SLC24A3: variants seen among roughly 807,000 people sequenced by gnomAD.
The protein encoded by SLC24A3 is sodium/potassium/calcium exchanger 3.
In SLC24A3, 28 loss-of-function variants were observed where a neutral mutation model predicts 75.8. The observed-to-expected ratio is 0.37, with a 90% CI of 0.27 to 0.51. The LOEUF is 0.51. Ranked by LOEUF, SLC24A3 falls within the 20% of genes least tolerant of loss-of-function variation. The probability of loss-of-function intolerance (pLI) is 0.94; values close to 1 mark genes in which losing one functional copy is unlikely to be tolerated. For synonymous variants in SLC24A3, 372 were observed against 334.1 expected (o/e 1.11, Z -1.24); for missense variants, 663 against 847.8 (o/e 0.78, Z 2.71).
intron 9 of SLC24A3, among the ~76,000 whole-genome samples, chr20:19,677,041 G>A (rs551579297): frequency 1.7e-4 from 26 of 152,312 alleles, no homozygotes; most frequent in Admixed American, 2.6e-4. Context: ...AAGCTGTCAA[G>A]CTAAGTTAAG....
intron 2 of SLC24A3, among the ~76,000 whole-genome samples, chr20:19,306,690 C>T (rs565883937): frequency 6.6e-6 from 1 of 151,826 alleles, no homozygotes; most frequent in African/African-American, 2.4e-5. Context: ...ATAGACACTG[C>T]AGACTACTAG....
intron 2 of SLC24A3, among the ~76,000 whole-genome samples, chr20:19,504,705 T>C (rs1400110544): frequency 1.3e-5 from 2 of 152,240 alleles, no homozygotes; most frequent in African/African-American, 4.8e-5. Context: ...ATTCTGTCTC[T>C]GATGTTGGCA....
At chr20:19,680,840 G>A (rs1244063686) in intron 9 of SLC24A3, among the ~76,000 whole-genome samples, 1 of 152,208 alleles carries the variant, frequency 6.6e-6, no homozygotes, top group Non-Finnish European at 1.5e-5. Flanking sequence ...GTCTGTAGCA[G>A]CAAAGAGATG....
At chr20:19,373,689 T>TA (rs1986028971) in intron 2 of SLC24A3, among the ~76,000 whole-genome samples, 2 of 152,208 alleles carry the variant, frequency 1.3e-5, no homozygotes, top group South Asian at 4.1e-4. Flanking sequence ...GATCCTAAGT[T>TA]ACGGAGATTT....
At chr20:19,597,642 C>T (rs1002569937) in intron 6 of SLC24A3, among the ~76,000 whole-genome samples, 1 of 152,118 alleles carries the variant, frequency 6.6e-6, no homozygotes, top group African/African-American at 2.4e-5. Context: ...GGTCACCCTA[C>T]TCTGCCATCA....
intron 3 of SLC24A3, among the ~76,000 whole-genome samples, chr20:19,569,031 G>T (rs1208916595): frequency 6.6e-6 from 1 of 152,142 alleles, no homozygotes; most frequent in East Asian, 1.9e-4. Flanking sequence ...AAATGGAAAT[G>T]GTTCACAAAC....
intron 3 of SLC24A3, among the ~76,000 whole-genome samples, chr20:19,521,436 G>T (rs114295305): frequency 1.3e-5 from 2 of 152,284 alleles, no homozygotes; most frequent in African/African-American, 4.8e-5. Flanking sequence ...GGCCTGGAGG[G>T]AGAGGAGTCT....
chr20:19,255,206 C>A (rs148255311), intron 1 of SLC24A3, among the ~76,000 whole-genome samples: 2 of 152,218 alleles, frequency 1.3e-5, no homozygotes, highest in Non-Finnish European at 2.9e-5. Flanking sequence ...ATGTATTGTT[C>A]CTCTGCCAAG....
At chr20:19,674,226 T>A (rs895974609) in intron 9 of SLC24A3, among the ~76,000 whole-genome samples, 1 of 152,258 alleles carries the variant, frequency 6.6e-6, no homozygotes, top group Non-Finnish European at 1.5e-5. Flanking sequence ...ACTTCCATTA[T>A]TTATATGGTA....
intron 1 of SLC24A3, among the ~76,000 whole-genome samples, chr20:19,230,875 G>A (rs1050749090): frequency 6.6e-6 from 1 of 152,122 alleles, no homozygotes; most frequent in Non-Finnish European, 1.5e-5. Flanking sequence ...GGGTCCTAAT[G>A]CTAGGCTAAT....
At chr20:19,561,268 G>A (rs1270309576) in intron 3 of SLC24A3, among the ~76,000 whole-genome samples, 3 of 152,162 alleles carry the variant, frequency 2.0e-5, no homozygotes, top group Non-Finnish European at 4.4e-5. Flanking sequence ...TGGAACAGAT[G>A]GGCCTAGATT....
At chr20:19,389,645 C>T (rs889637474) in intron 2 of SLC24A3, among the ~76,000 whole-genome samples, 36 of 152,104 alleles carry the variant, frequency 2.4e-4, no homozygotes, top group African/African-American at 8.2e-4. Context: ...TCTCTTACTG[C>T]TTTCAAAATT....
intron 1 of SLC24A3, among the ~76,000 whole-genome samples, chr20:19,243,661 G>A (rs1982398302): frequency 1.3e-5 from 2 of 152,164 alleles, no homozygotes; most frequent in African/African-American, 4.8e-5. Flanking sequence ...CTTTGACATT[G>A]TGGACTCAGC....
intron 9 of SLC24A3, among the ~76,000 whole-genome samples, chr20:19,678,340 ACC>A (rs748490662): frequency 2.0e-5 from 2 of 97,592 alleles, no homozygotes; most frequent in South Asian, 3.4e-4. Flanking sequence ...CGGGGGGCTG[ACC>A]CCCCCCACCT....
intron 2 of SLC24A3, among the ~76,000 whole-genome samples, chr20:19,460,021 G>C (rs1010950986): frequency 5.9e-5 from 9 of 152,180 alleles, no homozygotes; most frequent in African/African-American, 1.7e-4. Flanking sequence ...GATACTGCTG[G>C]CCCGTGGAAA....
At chr20:19,280,475 A>G (rs1406594879) in intron 1 of SLC24A3, among the ~76,000 whole-genome samples, 2 of 152,050 alleles carry the variant, frequency 1.3e-5, no homozygotes, top group Non-Finnish European at 2.9e-5. Context: ...GCTCTTATTG[A>G]CTCAGTGGAG....
At chr20:19,655,771 A>G (rs554458134) in intron 7 of SLC24A3, among the ~76,000 whole-genome samples, 2 of 152,262 alleles carry the variant, frequency 1.3e-5, no homozygotes, top group African/African-American at 4.8e-5. Context: ...ATTGGGACCT[A>G]CAGCATTGGC....
At chr20:19,514,520 A>G (rs995326809) in intron 2 of SLC24A3, among the ~76,000 whole-genome samples, 5 of 152,154 alleles carry the variant, frequency 3.3e-5, no homozygotes, top group African/African-American at 9.7e-5. Context: ...ATGTCTGCCC[A>G]TGTGGGGCTG....
At position 19,691,503 on chromosome 20, in the gene SLC24A3, G is replaced by A. The variant is rs575190607; in HGVS notation, c.1325-1756G>A. ...CTAAGGGCAGTGGAGGCCAGTGGAAGGTTCTAGAACAATTTGGTTTTTGAG... is the reference window on the plus strand; with the variant it reads ...CTAAGGGCAGTGGAGGCCAGTGGAAAGTTCTAGAACAATTTGGTTTTTGAG... On this transcript the variant is annotated intron_variant, in intron 12 of 16. Transcript: ENST00000328041. Among the ~76,000 whole-genome samples the A allele has an allele frequency of 1.8e-4, 28 of 152,300 alleles. 1 individual carries two copies. The highest frequency in any genetic ancestry group is 5.5e-4 in the African/African-American group (23 of 41,560).
Sources: allele counts gnomAD v4.1 joint callset (sites outside exome capture counted in the v4.1 genomes callset), GRCh38; gene constraint gnomAD v4.1.1; transcripts MANE v1.5; gene names NCBI Gene and HGNC (gene_info 2026-07-23, HGNC 2026-07-21).